The following NCOA3 variants were observed in gnomAD, a reference collection of about 807,000 sequenced individuals.
NCOA3 encodes the protein nuclear receptor coactivator 3, also known as CBP-interacting protein.
A neutral mutation model predicts 158.8 loss-of-function variants in NCOA3; 51 were observed. That is an observed-to-expected ratio of 0.32 (90% CI 0.26 to 0.41). NCOA3 has a LOEUF of 0.41. Among genes scored for constraint, NCOA3 ranks in the 10% least tolerant of loss-of-function variants. The pLI, the probability that NCOA3 is intolerant of heterozygous loss-of-function variation, is 1.00. For missense variants in NCOA3, 1,510 were observed against 1,746.6 expected (o/e 0.86, Z 2.41); for synonymous variants, 537 against 592.4 (o/e 0.91, Z 1.36).
chr20:47,505,003 G>GGTTTTTTTTTTT (rs2084004306), intron 1 of NCOA3, among the ~76,000 whole-genome samples: 1 of 28,550 alleles, frequency 3.5e-5, no homozygotes, highest in Non-Finnish European at 5.4e-5. Flanking sequence ...TGGGTTTTTG[G>GGTTTTTTTTTTT]TTTTTTTTTT....
At chr20:47,647,571 TAAA>T in intron 18 of NCOA3, among the ~76,000 whole-genome samples, 1 of 151,060 alleles carries the variant, frequency 6.6e-6, no homozygotes, top group Non-Finnish European at 1.5e-5. Flanking sequence ...AGGTAAAAAG[TAAA>T]AAAATGTCAG....
chr20:47,517,624 T>C (rs1307064468), intron 1 of NCOA3, among the ~76,000 whole-genome samples: 1 of 152,038 alleles, frequency 6.6e-6, no homozygotes, highest in Non-Finnish European at 1.5e-5. Flanking sequence ...CTAATTTTTG[T>C]ATTTTTAGTA....
In NCOA3 at chr20:47,636,333, T is replaced by C; in HGVS notation, c.1947T>C (p.Ser649=). 1 of 1,614,186 alleles carries C rather than the reference T, an allele frequency of 6.2e-7. No homozygotes were observed. The highest frequency in any genetic ancestry group is 8.5e-7 in the Non-Finnish European group (1 of 1,180,038). The change falls in exon 12 of 23, where the codon TCT becomes TCC. Residue 649 remains serine, a synonymous_variant. Coordinates refer to ENST00000371998, the MANE Select transcript of NCOA3 (RefSeq NM_181659.3). ...CCCTAGATTCAAGTTGTAAAGAATC[T>C]TCTGTTAGTGTCACCAGCCCCTCTG... ...NSPLDSSCKE[S]SVSVTSPSGV...
chr20:47,540,573 C>CA lies in NCOA3; in HGVS notation c.-99+38570dup, dbSNP rs3091666. On this transcript the variant is annotated intron_variant, in intron 1 of 22. Coordinates refer to ENST00000371998, the MANE Select transcript of NCOA3 (RefSeq NM_181659.3). ...GGCAACAAGAGTGAAACTCTTGTCT[C>CA]AAAAAAAAAAAAAAAATTCAAATAT... 2.6e-3 allele frequency among the ~76,000 whole-genome samples: 357 copies of CA among 139,302 alleles called. 3 individuals carry two copies. Among genetic ancestry groups the CA allele is most frequent in the African/African-American group, 8.6e-3 (322 of 37,514 alleles). 91.4% of individuals were successfully genotyped at this position (139,302 alleles called of 152,430 possible).
intron 2 of NCOA3, among the ~76,000 whole-genome samples, chr20:47,586,668 C>G (rs72645211): frequency 6.6e-6 from 1 of 152,282 alleles, no homozygotes; most frequent in East Asian, 1.9e-4. Context: ...CCTCCTTTTT[C>G]CTGGGATATT....
intron 1 of NCOA3, among the ~76,000 whole-genome samples, chr20:47,538,560 T>C (rs1273395806): frequency 6.6e-6 from 1 of 152,166 alleles, no homozygotes; most frequent in African/African-American, 2.4e-5. Flanking sequence ...TTTTTTTTTT[T>C]TCTTGAGACA....
At chr20:47,508,574 C>T (rs895157276) in intron 1 of NCOA3, among the ~76,000 whole-genome samples, 1 of 152,114 alleles carries the variant, frequency 6.6e-6, no homozygotes, top group Non-Finnish European at 1.5e-5. Flanking sequence ...AGTAAATATT[C>T]TTTGCCCTTC....
chr20:47,574,991 C>T (rs1390485145), intron 1 of NCOA3, among the ~76,000 whole-genome samples: 1 of 152,056 alleles, frequency 6.6e-6, no homozygotes, highest in Non-Finnish European at 1.5e-5. Flanking sequence ...TCTTAATATA[C>T]TTAGGAACTC....
At chr20:47,524,314 A>G (rs577092967) in intron 1 of NCOA3, among the ~76,000 whole-genome samples, 72 of 152,344 alleles carry the variant, frequency 4.7e-4, no homozygotes, top group South Asian at 8.3e-4. Context: ...CCTGCATGTT[A>G]GACACACGGA....
At chr20:47,545,492 G>A (rs2084813830) in intron 1 of NCOA3, among the ~76,000 whole-genome samples, 1 of 151,726 alleles carries the variant, frequency 6.6e-6, no homozygotes, top group African/African-American at 2.4e-5. Flanking sequence ...AATCTTATTG[G>A]TGTTGGTTGG....
Position 47,639,629 on chromosome 20 carries a change from G to T in NCOA3, c.2760G>T (p.Trp920Cys), listed in dbSNP as rs1339941590. The T allele has an allele frequency of 6.2e-7, 1 of 1,613,832 alleles. No individual in the cohort carries two copies. Among genetic ancestry groups the T allele is most frequent in the South Asian group, 1.1e-5 (1 of 91,062 alleles). Residue 920 changes from tryptophan to cysteine, a missense_variant, in exon 15 of 23, where the codon TGG becomes TGT. Transcript: ENST00000371998. ...CTCAGACTCCTTCCTCAGGAGACTG[G>T]GGCTTACCAAACTCAAAGGCCGGCA... The part of the protein sequence containing the change: ...TVTQTPSSGD[W>C]GLPNSKAGRM...
chr20:47,546,385 A>T (rs1012792142), intron 1 of NCOA3, among the ~76,000 whole-genome samples: 1 of 152,114 alleles, frequency 6.6e-6, no homozygotes, highest in Non-Finnish European at 1.5e-5. Context: ...CCTGTTAGTA[A>T]CGTAACAGCT....
chr20:47,557,672 G>A (rs2085028699), intron 1 of NCOA3, among the ~76,000 whole-genome samples: 2 of 152,134 alleles, frequency 1.3e-5, no homozygotes, highest in Non-Finnish European at 2.9e-5. Flanking sequence ...ATCAGCCATA[G>A]CCCAAACAAT....
intron 2 of NCOA3, among the ~76,000 whole-genome samples, chr20:47,612,212 G>A (rs2086056143): frequency 6.6e-6 from 1 of 152,086 alleles, no homozygotes; most frequent in Admixed American, 6.6e-5. Flanking sequence ...CAGCTGATGG[G>A]AAAGCAAAGG....
chr20:47,535,690 T>C (rs2084621343), intron 1 of NCOA3, among the ~76,000 whole-genome samples: 1 of 151,964 alleles, frequency 6.6e-6, no homozygotes, highest in Non-Finnish European at 1.5e-5. Flanking sequence ...GTATTTTTAA[T>C]AGAGATGAGG....
chr20:47,629,836 TAG>T (rs1228870297), intron 8 of NCOA3, among the ~76,000 whole-genome samples: 2 of 152,230 alleles, frequency 1.3e-5, no homozygotes, highest in East Asian at 3.9e-4. Context: ...TTAAGCAATT[TAG>T]CAAGTAGCAT....
At chr20:47,551,801 A>G (rs1213461036) in intron 1 of NCOA3, among the ~76,000 whole-genome samples, 1 of 152,254 alleles carries the variant, frequency 6.6e-6, no homozygotes. Context: ...ATATGGTTCA[A>G]TATTTTACTG....
chr20:47,650,263 T>C (rs2086760950), intron 19 of NCOA3, among the ~76,000 whole-genome samples: 1 of 150,920 alleles, frequency 6.6e-6, no homozygotes, highest in African/African-American at 2.4e-5. Flanking sequence ...AGAAAGCTTT[T>C]TTTTTTTTTT....
At chr20:47,545,269 C>A (rs765798125) in intron 1 of NCOA3, among the ~76,000 whole-genome samples, 1 of 149,826 alleles carries the variant, frequency 6.7e-6, no homozygotes, top group Non-Finnish European at 1.5e-5. Flanking sequence ...CTCTGTCTTC[C>A]GGGTTCAAGG....
Sources: allele counts gnomAD v4.1 joint callset (sites outside exome capture counted in the v4.1 genomes callset), GRCh38; gene constraint gnomAD v4.1.1; transcripts MANE v1.5; gene names NCBI Gene and HGNC (gene_info 2026-07-23, HGNC 2026-07-21).